The following CELF2 variants were observed in gnomAD, a reference collection of about 807,000 sequenced individuals.
CELF2 encodes CUG triplet repeat RNA-binding protein 2.
Under a neutral mutation model 62.6 loss-of-function variants are expected in CELF2, and 8 were observed. The observed-to-expected ratio is 0.13, with a 90% CI of 0.07 to 0.23. The LOEUF is 0.23. Among genes scored for constraint, CELF2 ranks in the 10% least tolerant of loss-of-function variants. The pLI, the probability that CELF2 is intolerant of heterozygous loss-of-function variation, is 1.00. For missense variants in CELF2, 333 were observed against 671.0 expected (o/e 0.50, Z 5.56); for synonymous variants, 258 against 250.0 (o/e 1.03, Z -0.30).
At chr10:10,731,617 C>T in the CELF2 span, among the ~76,000 whole-genome samples, 8 of 151,978 alleles carry the variant, frequency 5.3e-5, no homozygotes, top group East Asian at 1.9e-4. Context: ...GTGGTTAGTC[C>T]GTATTTGAGG....
At chr10:10,886,534 T>G (rs1195171364) in intron 1 of CELF2, among the ~76,000 whole-genome samples, 1 of 152,206 alleles carries the variant, frequency 6.6e-6, no homozygotes, top group East Asian at 1.9e-4. Context: ...TGAACGTGTA[T>G]GTGCATTAAA....
the CELF2 span, among the ~76,000 whole-genome samples, chr10:10,573,656 A>C: frequency 1.3e-5 from 2 of 152,158 alleles, no homozygotes; most frequent in Admixed American, 1.3e-4. Context: ...ATATGCAAAC[A>C]TCTTACATCT....
rs755077583 is a variant in CELF2 at position 10,845,995 on chromosome 10, C to T, written c.53+47178C>T. 2.0e-5 allele frequency: 7 copies of T among 348,948 alleles called. No homozygotes were observed. In the East Asian group the frequency reaches 6.7e-4, roughly 33 times the overall value. The allele number at this position is 348,948 out of a possible 1,614,324, so 21.6% of individuals were successfully genotyped here. A position where few individuals can be genotyped will look rare whatever the true frequency, so the allele number is the denominator to read the frequency against. On this transcript the variant is annotated intron_variant, in intron 1 of 13. Coordinates refer to the CELF2 transcript ENST00000636488. ...AATATGGTACATCAAGACGTAAGTG[C>T]GTCTGTGTGTCTCAGCTTCGGCATC... is the stretch of plus-strand genomic sequence containing the variant.
At chr10:10,516,190 A>G in the CELF2 span, among the ~76,000 whole-genome samples, 1 of 152,204 alleles carries the variant, frequency 6.6e-6, no homozygotes, top group Non-Finnish European at 1.5e-5. Flanking sequence ...ATTTCTGACA[A>G]TCTTAAAATA....
At chr10:10,775,621 A>ATAT in the CELF2 span, among the ~76,000 whole-genome samples, 1 of 146,024 alleles carries the variant, frequency 6.8e-6, no homozygotes, top group South Asian at 2.2e-4. Context: ...CTCAAAAAAA[A>ATAT]AAAAATATAT....
intron 2 of CELF2, among the ~76,000 whole-genome samples, chr10:11,176,254 T>G (rs2071069335): frequency 6.6e-6 from 1 of 152,224 alleles, no homozygotes; most frequent in African/African-American, 2.4e-5. Context: ...AAAGTTTCAC[T>G]GATGAGCCTT....
chr10:11,104,597 G>A (rs750604030), intron 1 of CELF2, among the ~76,000 whole-genome samples: 2 of 152,148 alleles, frequency 1.3e-5, no homozygotes, highest in Non-Finnish European at 1.5e-5. Context: ...TGGGAGGATG[G>A]ATTGCGCCCA....
the CELF2 span, among the ~76,000 whole-genome samples, chr10:10,634,932 CG>C: frequency 2.8e-4 from 42 of 152,138 alleles, no homozygotes; most frequent in Non-Finnish European, 4.4e-4. Flanking sequence ...GGTGATTCTG[CG>C]GGGCAGCAGT....
chr10:10,838,841 C>CTATTTA (rs571597323), intron 1 of CELF2, among the ~76,000 whole-genome samples: 13 of 152,186 alleles, frequency 8.5e-5, no homozygotes, highest in African/African-American at 3.1e-4. Flanking sequence ...AGTCCTGGTT[C>CTATTTA]TATTTATTAG....
chr10:11,258,736 G>T (rs1308521736), intron 5 of CELF2, among the ~76,000 whole-genome samples: 1 of 152,220 alleles, frequency 6.6e-6, no homozygotes, highest in African/African-American at 2.4e-5. Flanking sequence ...CGCCAGGCCA[G>T]AGTGCAGTGG....
In CELF2 at chr10:11,214,795, A is replaced by T. The variant is rs1452849387; in HGVS notation, c.272-2630A>T. 6.6e-6 allele frequency among the ~76,000 whole-genome samples: 1 copy of T among 152,246 alleles called. No individual in the cohort carries two copies. The highest frequency in any genetic ancestry group is 1.5e-5 in the Non-Finnish European group (1 of 68,042). ...CTTTTAACTGAAACACTTAAGAACT[A>T]TGCATAGTTGGAAGAGGATCTGTAG... is the stretch of plus-strand genomic sequence containing the variant. On this transcript the variant is annotated intron_variant, in intron 2 of 12. Coordinates refer to ENST00000633077, the MANE Select transcript of CELF2 (RefSeq NM_001326342.2). The surrounding 1 kb of genome is among the most constrained non-coding windows in gnomAD (Gnocchi z 4.2).
chr10:11,060,493 C>T (rs2066461047), intron 1 of CELF2, among the ~76,000 whole-genome samples: 1 of 152,136 alleles, frequency 6.6e-6, no homozygotes, highest in South Asian at 2.1e-4. Context: ...GCATTGCCTA[C>T]CCTCAATGCT....
At chr10:11,203,448 T>C (rs1266089148) in intron 2 of CELF2, among the ~76,000 whole-genome samples, 1 of 152,190 alleles carries the variant, frequency 6.6e-6, no homozygotes, top group East Asian at 1.9e-4. Flanking sequence ...TATTTAATTT[T>C]CTAAAAATGG....
At chr10:10,890,580 G>A (rs374597205) in intron 1 of CELF2, among the ~76,000 whole-genome samples, 2 of 152,212 alleles carry the variant, frequency 1.3e-5, no homozygotes, top group East Asian at 1.9e-4. Context: ...AGTAAACTTC[G>A]TTTGAAGCAC....
intron 1 of CELF2, among the ~76,000 whole-genome samples, chr10:11,150,381 C>A (rs999924984): frequency 6.6e-6 from 1 of 152,186 alleles, no homozygotes; most frequent in Non-Finnish European, 1.5e-5. Context: ...GAGGAACTTG[C>A]GATCCACCTT....
the CELF2 span, among the ~76,000 whole-genome samples, chr10:10,627,461 C>T: frequency 6.6e-6 from 1 of 152,206 alleles, no homozygotes; most frequent in African/African-American, 2.4e-5. Context: ...TTCAGGAGTT[C>T]ACCTCTCTAG....
chr10:10,634,835 G>A, the CELF2 span, among the ~76,000 whole-genome samples: 1 of 151,894 alleles, frequency 6.6e-6, no homozygotes, highest in Non-Finnish European at 1.5e-5. Context: ...CTAATCTTTT[G>A]TATATTTAGT....
rs150651231 is a variant in CELF2, at chr10:11,314,754, C to A, written c.1096+496C>A. 2.5e-4 allele frequency: 49 copies of A among 193,678 alleles called. No homozygotes were observed. Among genetic ancestry groups the A allele is most frequent in the Non-Finnish European group, 3.9e-4 (37 of 93,710 alleles). The allele number at this position is 193,678 out of a possible 1,614,324, so 12.0% of individuals were successfully genotyped here. Reference sequence around the variant, plus strand: ...TCAGATGATTCTTAAAGGTAGCCTCCAGCTCCAAAGTCTAAAGATTCATGA... The same window carrying A: ...TCAGATGATTCTTAAAGGTAGCCTCAAGCTCCAAAGTCTAAAGATTCATGA... On this transcript the variant is annotated intron_variant, in intron 10 of 12. Coordinates refer to ENST00000633077, the MANE Select transcript of CELF2 (RefSeq NM_001326342.2). This position sits in a 1 kb window ranked among gnomAD's most constrained non-coding sequence, Gnocchi z 5.3.
chr10:10,942,960 G>A (rs1273724343), intron 2 of CELF2, among the ~76,000 whole-genome samples: 1 of 152,150 alleles, frequency 6.6e-6, no homozygotes, highest in Non-Finnish European at 1.5e-5. Flanking sequence ...TTTAAGCCAA[G>A]GGGAAGCTCA....
Sources: allele counts gnomAD v4.1 joint callset (sites outside exome capture counted in the v4.1 genomes callset), GRCh38; gene constraint gnomAD v4.1.1; non-coding constraint Gnocchi (gnomAD v3.1); transcripts MANE v1.5; gene names NCBI Gene and HGNC (gene_info 2026-07-23, HGNC 2026-07-21).